The following DDX60L variants were observed in gnomAD, a reference collection of about 807,000 sequenced individuals.
The protein encoded by DDX60L is DExD/H-box 60 like.
A neutral mutation model predicts 211.6 loss-of-function variants in DDX60L; 191 were observed. The ratio of observed to expected loss-of-function variants is 0.90; its 90% CI spans 0.80 to 1.02. The LOEUF is 1.02. Ranked by LOEUF, DDX60L falls within the 50% of genes least tolerant of loss-of-function variation. DDX60L has a pLI of 0.00. For missense variants in DDX60L, 2,007 were observed against 1,984.1 expected, an observed-to-expected ratio of 1.01 and a Z score of -0.22; for synonymous variants, 706 against 694.1, an observed-to-expected ratio of 1.02 and a Z score of -0.27.
chr4:168,432,662 C>A, intron 11 of DDX60L, 92 bp from the exon 12 acceptor site: 2 of 696,406 alleles, frequency 2.9e-6, no homozygotes, highest in Non-Finnish European at 4.4e-6. Context: ...TGTACAACCT[C>A]TTTTTCTATT....
In DDX60L at chr4:168,453,195, G is replaced by C. The variant is rs1488114414; in HGVS notation, c.925C>G (p.Leu309Val). 1 of 1,613,402 alleles carries C rather than the reference G, an allele frequency of 6.2e-7. No individual in the cohort carries two copies. Among genetic ancestry groups the C allele is most frequent in the Admixed American group, 1.7e-5 (1 of 59,884 alleles). Residue 309 changes from leucine to valine, a missense_variant, in exon 8 of 38, where the codon CTT becomes GTT. By Grantham distance (32) the Leu-to-Val change is conservative. Transcript: ENST00000682922. ...ACTCGAGAACAAGCTCTCTGAGAAAGGGGTAAGTGGAGTTGAAAAGCCACA... is the reference window on the plus strand; with the variant it reads ...ACTCGAGAACAAGCTCTCTGAGAAACGGGTAAGTGGAGTTGAAAAGCCACA... ...LCVAFQLHLP[L>V]SQRACSRVIT...
rs538033175 is a variant in DDX60L, at chr4:168,433,047, C to T, written c.1363G>A (p.Val455Ile). ...PMTSAVIDEF[V>I]GDMMKDLPIL... is the part of the protein sequence containing the mutation. ...GGCAAATCCTTCATCATATCTCCAACAAACTCATCAATTACAGCAGATGTC... is the reference window on the plus strand; with the variant it reads ...GGCAAATCCTTCATCATATCTCCAATAAACTCATCAATTACAGCAGATGTC... Residue 455 changes from valine to isoleucine, a missense_variant, in exon 11 of 38, where the codon GTT (valine) becomes ATT (isoleucine). Physicochemically the swap from Val to Ile is conservative, Grantham distance 29. Transcript: ENST00000682922. 1 of 1,609,736 alleles carries T rather than the reference C, an allele frequency of 6.2e-7. No individual in the cohort carries two copies. The highest frequency in any genetic ancestry group is 1.3e-5 in the African/African-American group (1 of 74,874).
At chr4:168,456,197 A>T in intron 6 of DDX60L, 45 bp from the exon 7 acceptor site, 1 of 1,236,664 alleles carries the variant, frequency 8.1e-7, no homozygotes, top group South Asian at 1.5e-5. Context: ...ATTTAGAAAT[A>T]TTCTTTTACT....
At chr4:168,454,262 A>G (rs1477768132) in intron 7 of DDX60L, among the ~76,000 whole-genome samples, 1 of 152,226 alleles carries the variant, frequency 6.6e-6, no homozygotes, top group Non-Finnish European at 1.5e-5. Context: ...ATTTTAGAGA[A>G]ATCTACATAG....
chr4:168,390,522 T>C (rs1276151241), intron 29 of DDX60L: 5 of 1,434,838 alleles, frequency 3.5e-6, no homozygotes, highest in Non-Finnish European at 4.6e-6. Context: ...CTAGGAGAGT[T>C]CACATGATCT....
intron 12 of DDX60L, among the ~76,000 whole-genome samples, chr4:168,432,015 T>C (rs1013003138): frequency 2.6e-5 from 4 of 152,168 alleles, no homozygotes; most frequent in African/African-American, 7.2e-5. Context: ...CTTCAAGGTA[T>C]AGACAGATTC....
At chr4:168,374,693 T>C (rs1741631854) in intron 34 of DDX60L, among the ~76,000 whole-genome samples, 1 of 152,238 alleles carries the variant, frequency 6.6e-6, no homozygotes, top group Admixed American at 6.5e-5. Context: ...TGTTTTATTT[T>C]TAATCAACTT....
At chr4:168,414,156 A>G (rs1232730910) in intron 22 of DDX60L, among the ~76,000 whole-genome samples, 3 of 152,138 alleles carry the variant, frequency 2.0e-5, no homozygotes, top group African/African-American at 7.2e-5. Flanking sequence ...CATGAAGGAG[A>G]AATAAAGACT....
intron 16 of DDX60L, among the ~76,000 whole-genome samples, chr4:168,422,311 T>C (rs1020729448): frequency 6.6e-6 from 1 of 152,148 alleles, no homozygotes; most frequent in African/African-American, 2.4e-5. Context: ...CAAACAGGTA[T>C]CAGTATAACT....
intron 10 of DDX60L, among the ~76,000 whole-genome samples, chr4:168,438,533 T>A (rs1414452144): frequency 6.6e-6 from 1 of 152,218 alleles, no homozygotes; most frequent in Non-Finnish European, 1.5e-5. Context: ...TTTTACAAAG[T>A]TTAGTTTTTC....
Position 168,461,875 on chromosome 4 carries a change from T to G in DDX60L, c.430A>C (p.Ile144Leu). The G allele has an allele frequency of 6.2e-7, 1 of 1,611,514 alleles. No individual in the cohort carries two copies. Among genetic ancestry groups the G allele is most frequent in the Non-Finnish European group, 8.5e-7 (1 of 1,178,630 alleles). Residue 144 changes from isoleucine (I) to leucine (L), a missense_variant, in exon 5 of 38, where the codon ATA (isoleucine) becomes CTA (leucine). Physicochemically the swap from Ile to Leu is conservative, Grantham distance 5. Coordinates refer to ENST00000682922, the MANE Select transcript of DDX60L (RefSeq NM_001012967.3). ...FLEQHYPYFLIVSEEGLSDLQ... is the reference protein window; with the variant it reads ...FLEQHYPYFLLVSEEGLSDLQ... ...TCACTCAGGCCTTCCTCTGAAACTATCAGAAAATACGGGTAATGCTGTTCC... is the reference window on the plus strand; with the variant it reads ...TCACTCAGGCCTTCCTCTGAAACTAGCAGAAAATACGGGTAATGCTGTTCC...
intron 23 of DDX60L, 95 bp from the exon 24 acceptor site, chr4:168,406,173 A>G (rs943518967): frequency 7.6e-7 from 1 of 1,312,430 alleles, no homozygotes; most frequent in African/African-American, 1.5e-5. Flanking sequence ...TCTCCTTAAC[A>G]AAATTGCAAA....
chr4:168,381,543 A>G (rs1161393806), intron 30 of DDX60L, among the ~76,000 whole-genome samples: 1 of 151,770 alleles, frequency 6.6e-6, no homozygotes, highest in African/African-American at 2.4e-5. Flanking sequence ...GAATGTGATA[A>G]ATTGAAAAGG....
chr4:168,375,375 ACT>A lies in DDX60L; in HGVS notation c.4633_4633+1del. 1 of 1,611,188 alleles carries A rather than the reference ACT, an allele frequency of 6.2e-7. No individual in the cohort carries two copies. Among genetic ancestry groups the A allele is most frequent in the Non-Finnish European group, 8.5e-7 (1 of 1,178,532 alleles). ...TCCGGAATGGAACTAAAATCTGCTT[ACT>A]GATTCTTGACAAAGGGAGTTGATGC... On this transcript the variant is annotated splice_donor_variant and coding_sequence_variant, in exon 34 of 38. Transcript: ENST00000682922. LOFTEE classifies it high-confidence loss of function.
rs780847467 is a variant in DDX60L at position 168,430,523 on chromosome 4, A to G, written c.1632T>C (p.Thr544=). Residue 544 remains threonine (T), a synonymous_variant, in exon 13 of 38, where the codon ACT becomes ACC. Coordinates refer to ENST00000682922, the MANE Select transcript of DDX60L (RefSeq NM_001012967.3). ...ISTKVIVTQT[T]RPKEDSSGAS... is the part of the protein sequence containing the mutation. ...CACCACTGGAATCCTCCTTTGGCCG[A>G]GTAGTTTGAGTCACAATGACTTTCG... 4 of 1,610,792 alleles carry G rather than the reference A, an allele frequency of 2.5e-6. No individual in the cohort carries two copies. In the South Asian group the frequency reaches 3.3e-5, roughly 13 times the overall value.
In DDX60L at chr4:168,406,021, C is replaced by A. The variant is rs1417157693; in HGVS notation, c.3142G>T (p.Asp1048Tyr). ...AAGTTTTCTTCATATTTTCTAGCATCCAACTTCTTAATGACTATCTTATTC... is the reference window on the plus strand; with the variant it reads ...AAGTTTTCTTCATATTTTCTAGCATACAACTTCTTAATGACTATCTTATTC... ...FKNKIVIKKL[D>Y]ARKYEENLKA... is the part of the protein sequence containing the mutation. The change falls in exon 24 of 38, where the codon GAT (aspartate) becomes TAT (tyrosine). Residue 1048 changes from aspartate (D) to tyrosine (Y), a missense_variant. By Grantham distance (160) the Asp-to-Tyr change is radical. Transcript: ENST00000682922. 1 of 1,603,100 alleles carries A rather than the reference C, an allele frequency of 6.2e-7. No individual in the cohort carries two copies. Among genetic ancestry groups the A allele is most frequent in the South Asian group, 1.1e-5 (1 of 88,290 alleles).
At chr4:168,419,999 C>A (rs1015115010) in intron 18 of DDX60L, among the ~76,000 whole-genome samples, 1 of 152,162 alleles carries the variant, frequency 6.6e-6, no homozygotes, top group Admixed American at 6.5e-5. Context: ...CTACTTGACT[C>A]CCTCTCTAAG....
intron 24 of DDX60L, among the ~76,000 whole-genome samples, chr4:168,405,156 G>A (rs1747521289): frequency 6.6e-6 from 1 of 152,004 alleles, no homozygotes; most frequent in African/African-American, 2.4e-5. Flanking sequence ...TTACAGGCAT[G>A]CGCCACCACA....
intron 4 of DDX60L, among the ~76,000 whole-genome samples, chr4:168,466,621 A>G (rs1215442652): frequency 2.0e-5 from 3 of 152,208 alleles, no homozygotes; most frequent in East Asian, 1.9e-4. Flanking sequence ...AGCAGTTGCT[A>G]TTAAGAGTTG....
Sources: gnomAD v4.1 joint callset for allele counts (sites outside exome capture counted in the v4.1 genomes callset) on GRCh38, gnomAD v4.1.1 for gene constraint, MANE v1.5 for transcripts, NCBI Gene and HGNC (gene_info 2026-07-23, HGNC 2026-07-21) for gene names.